Variants in DYM observed in about 807,000 individuals in gnomAD.
DYM encodes dyggve-Melchior-Clausen syndrome protein.
In DYM, 78 loss-of-function variants were observed where a neutral mutation model predicts 93.1. The observed-to-expected ratio is 0.84, with a 90% CI of 0.70 to 1.01. The LOEUF (loss-of-function observed/expected upper bound fraction) is 1.01. Ranked by LOEUF, DYM falls within the 50% of genes least tolerant of loss-of-function variation. DYM has a pLI of 0.00. For missense variants in DYM, 789 were observed against 845.0 expected, an observed-to-expected ratio of 0.93 and a Z score of 0.82; for synonymous variants, 321 against 319.7, an observed-to-expected ratio of 1.00 and a Z score of -0.04.
intron 2 of DYM, chr18:49,413,190 A>G (rs1428240605): frequency 6.6e-6 from 1 of 152,308 alleles, no homozygotes; most frequent in Admixed American, 6.5e-5. Context: ...GGTCAACGGA[A>G]TTCCTCTCTG....
At chr18:49,166,962 A>C (rs1161583580) in intron 14 of DYM, among the ~76,000 whole-genome samples, 1 of 150,390 alleles carries the variant, frequency 6.6e-6, no homozygotes, top group Non-Finnish European at 1.5e-5. Flanking sequence ...TGAGTTTAGC[A>C]AACCTGGGAT....
At chr18:49,380,099 A>ATACCTAGGAGT (rs1339260622) in intron 3 of DYM, among the ~76,000 whole-genome samples, 1 of 152,160 alleles carries the variant, frequency 6.6e-6, no homozygotes, top group Non-Finnish European at 1.5e-5. Flanking sequence ...AAAAACTCAA[A>ATACCTAGGAGT]AATTGATTAT....
At chr18:49,155,775 C>T (rs2144850681) in intron 15 of DYM, among the ~76,000 whole-genome samples, 1 of 152,318 alleles carries the variant, frequency 6.6e-6, no homozygotes, top group Non-Finnish European at 1.5e-5. Flanking sequence ...TGGTATCTCA[C>T]ATGGTATGGA....
At chr18:49,379,398 T>C (rs914108209) in intron 4 of DYM, among the ~76,000 whole-genome samples, 4 of 152,112 alleles carry the variant, frequency 2.6e-5, no homozygotes, top group Non-Finnish European at 5.9e-5. Flanking sequence ...GGAATTACCT[T>C]CTTAACGATA....
At chr18:49,059,367 C>T (rs1195067343) in intron 17 of DYM, among the ~76,000 whole-genome samples, 3 of 152,144 alleles carry the variant, frequency 2.0e-5, no homozygotes, top group Non-Finnish European at 4.4e-5. Context: ...TTATAGCAGC[C>T]CCAGCGAACT....
rs768208371 is a variant in DYM at position 49,379,728 on chromosome 18, C to T, written c.224G>A (p.Gly75Asp). 23 of 1,613,142 alleles carry T rather than the reference C, an allele frequency of 1.4e-5. No homozygotes were observed. The highest frequency in any genetic ancestry group is 1.9e-5 in the Non-Finnish European group (23 of 1,179,506). Reference protein sequence around the residue: ...VENNPRTGNLGALIKVFLSRT... With the variant: ...VENNPRTGNLDALIKVFLSRT... The stretch of plus-strand genomic sequence containing the variant: ...AGAAAGGAAGACCTTAATTAGTGCA[C>T]CAAGATTTCCTGTTCGAGGATTGTT... The change falls in exon 4 of 18, where the codon GGT (glycine) becomes GAT (aspartate). Residue 75 changes from glycine (G) to aspartate (D), a missense_variant. Physicochemically the swap from Gly to Asp is moderately conservative, Grantham distance 94. Around this residue, in one of 3 missense-constraint regions of DYM, gnomAD observed 450 missense variants for 436.2 expected, o/e 1.03. Transcript: ENST00000675505.
At chr18:49,335,651 C>T (rs565209439) in intron 6 of DYM, among the ~76,000 whole-genome samples, 36 of 152,256 alleles carry the variant, frequency 2.4e-4, no homozygotes, top group Non-Finnish European at 4.6e-4. Context: ...ATAGCCCACG[C>T]CTGTCTGGAA....
intron 1 of DYM, among the ~76,000 whole-genome samples, chr18:49,448,140 T>C (rs969930230): frequency 6.6e-6 from 1 of 152,170 alleles, no homozygotes; most frequent in Admixed American, 6.5e-5. Flanking sequence ...GTTCTGTAAA[T>C]GAGAAAACTC....
At chr18:49,189,984 T>G (rs1321473604) in intron 14 of DYM, among the ~76,000 whole-genome samples, 1 of 152,232 alleles carries the variant, frequency 6.6e-6, no homozygotes, top group Non-Finnish European at 1.5e-5. Flanking sequence ...AAAGCTCTTT[T>G]CCTTCCGTTA....
chr18:49,356,152 AAG>A (rs1257568353), intron 6 of DYM, among the ~76,000 whole-genome samples: 1 of 152,218 alleles, frequency 6.6e-6, no homozygotes, highest in Non-Finnish European at 1.5e-5. Context: ...AAAAATTAAA[AAG>A]AAAAAAATCA....
intron 17 of DYM, among the ~76,000 whole-genome samples, chr18:49,061,704 G>A (rs1048553581): frequency 1.3e-5 from 2 of 152,218 alleles, no homozygotes; most frequent in Non-Finnish European, 2.9e-5. Flanking sequence ...GAGGAGAGCT[G>A]GCAGTGCCAC....
chr18:49,452,502 G>A (rs995638767), intron 1 of DYM, among the ~76,000 whole-genome samples: 1 of 152,134 alleles, frequency 6.6e-6, no homozygotes, highest in African/African-American at 2.4e-5. Context: ...CCCTGAGCTA[G>A]ATATAAAGAT....
intron 7 of DYM, among the ~76,000 whole-genome samples, 186 bp downstream of exon 7, chr18:49,333,542 G>C (rs1489504361): frequency 6.6e-6 from 1 of 152,196 alleles, no homozygotes; most frequent in Non-Finnish European, 1.5e-5. Flanking sequence ...GGAAGAACAG[G>C]GAGGATGGGT....
intron 14 of DYM, chr18:49,206,073 A>T: frequency 4.9e-6 from 1 of 205,886 alleles, no homozygotes; most frequent in Non-Finnish European, 9.2e-6. Context: ...ATCTCGGCTC[A>T]CTGCAACCTC....
At chr18:49,426,554 A>C (rs76992856) in intron 2 of DYM, among the ~76,000 whole-genome samples, 2,086 of 152,240 alleles carry the variant, frequency 0.014, 46 homozygotes, top group African/African-American at 0.047. Context: ...ATAAAAAATA[A>C]TAATAAAAAA....
intron 6 of DYM, among the ~76,000 whole-genome samples, chr18:49,335,962 C>T (rs1038037526): frequency 1.3e-5 from 2 of 152,050 alleles, no homozygotes; most frequent in African/African-American, 4.8e-5. Context: ...TACAGGCAGA[C>T]GCCATCATGC....
chr18:49,454,744 CAAA>C (rs57507210), intron 1 of DYM, among the ~76,000 whole-genome samples: 1 of 140,834 alleles, frequency 7.1e-6, no homozygotes, highest in Admixed American at 7.1e-5. Flanking sequence ...CTAAAAATAC[CAAA>C]AAAAAAAAAA....
chr18:49,283,066 C>A (rs1278913489), intron 9 of DYM, among the ~76,000 whole-genome samples: 1 of 152,182 alleles, frequency 6.6e-6, no homozygotes. Context: ...ATACACCTAA[C>A]TTACCAAACA....
At chr18:49,350,991 TAA>T (rs1255534613) in intron 6 of DYM, among the ~76,000 whole-genome samples, 1 of 152,036 alleles carries the variant, frequency 6.6e-6, no homozygotes. Flanking sequence ...AAAGTTGAGA[TAA>T]GAGAGGTTAA....
Sources: allele counts gnomAD v4.1 joint callset (sites outside exome capture counted in the v4.1 genomes callset), GRCh38; gene constraint gnomAD v4.1.1; regional missense constraint gnomAD v4.1.1; transcripts MANE v1.5; gene names NCBI Gene and HGNC (gene_info 2026-07-23, HGNC 2026-07-21).